SOX5: variants seen among roughly 807,000 people sequenced by gnomAD.
SOX5 encodes transcription factor SOX-5.
Under a neutral mutation model 92.0 loss-of-function variants are expected in SOX5, and 9 were observed. The observed-to-expected ratio is 0.10, with a 90% CI of 0.06 to 0.17. The LOEUF is 0.17. Ranked by LOEUF, SOX5 falls within the 10% of genes least tolerant of loss-of-function variation. The pLI, the probability that SOX5 is intolerant of heterozygous loss-of-function variation, is 1.00. For synonymous variants in SOX5, 344 were observed against 336.3 expected, an observed-to-expected ratio of 1.02 and a Z score of -0.25; for missense variants, 642 against 944.5, an observed-to-expected ratio of 0.68 and a Z score of 4.20.
At chr12:23,857,251 T>C (rs1595094926) in intron 2 of SOX5, among the ~76,000 whole-genome samples, 1 of 152,268 alleles carries the variant, frequency 6.6e-6, no homozygotes, top group Non-Finnish European at 1.5e-5. Context: ...TAGCAGGCAA[T>C]GGAGAACTAT....
chr12:24,527,367 A>C (rs1157667884), intron 1 of SOX5, among the ~76,000 whole-genome samples: 1 of 152,214 alleles, frequency 6.6e-6, no homozygotes, highest in Non-Finnish European at 1.5e-5. Context: ...GAAGAGAGAG[A>C]GAGGTGATGA....
At chr12:23,834,553 C>G (rs1047588189) in intron 3 of SOX5, among the ~76,000 whole-genome samples, 5 of 151,880 alleles carry the variant, frequency 3.3e-5, no homozygotes, top group African/African-American at 1.2e-4. Flanking sequence ...TTGTTAAGGT[C>G]TCTCCTTTCC....
chr12:23,662,460 G>T (rs2083193843), intron 7 of SOX5, among the ~76,000 whole-genome samples: 1 of 152,080 alleles, frequency 6.6e-6, no homozygotes, highest in Non-Finnish European at 1.5e-5. Context: ...AATTTTCTCT[G>T]CTGTGTCTGG....
At position 23,725,001 on chromosome 12, in the gene SOX5, T is replaced by G. The variant is rs573878583; in HGVS notation, c.810+9683A>C. Among the ~76,000 whole-genome samples, 17 of 152,288 alleles carry G rather than the reference T, an allele frequency of 1.1e-4. No homozygotes were observed. The East Asian group carries it at 3.1e-3, about 28-fold the overall frequency. ...TTAGACCAGAATGGTGTTGGTCAAT[T>G]TGACAGATGTTGGACAGAAAACCAA... On this transcript the variant is annotated intron_variant, in intron 6 of 14. Coordinates refer to ENST00000451604, the MANE Select transcript of SOX5 (RefSeq NM_006940.6).
chr12:23,642,375 A>G lies in SOX5; in HGVS notation c.932-1478T>C, dbSNP rs1445905355. On this transcript the variant is annotated intron_variant, in intron 7 of 14. Transcript: ENST00000451604. ...TTAAGACAGCGAAGTACATAATGCT[A>G]TGGACTGCACTGTGGTTGTCCCAAA... Among the ~76,000 whole-genome samples, 3 of 152,218 alleles carry G rather than the reference A, an allele frequency of 2.0e-5. No homozygotes were observed. The East Asian group carries it at 5.8e-4, about 29-fold the overall frequency.
intron 9 of SOX5, among the ~76,000 whole-genome samples, chr12:23,590,947 C>T (rs1185783404): frequency 6.6e-6 from 1 of 151,996 alleles, no homozygotes; most frequent in Admixed American, 6.6e-5. Context: ...GAAGATAACT[C>T]ATTTATGACA....
At chr12:23,711,209 C>T (rs1376661049) in intron 6 of SOX5, among the ~76,000 whole-genome samples, 7 of 152,084 alleles carry the variant, frequency 4.6e-5, no homozygotes, top group Non-Finnish European at 1.0e-4. Context: ...TTTAAGAAAG[C>T]TCTGTTACTT....
intron 1 of SOX5, among the ~76,000 whole-genome samples, chr12:23,925,056 T>C (rs1021007270): frequency 1.3e-5 from 2 of 152,080 alleles, no homozygotes; most frequent in African/African-American, 4.8e-5. Flanking sequence ...GTATTGTTCA[T>C]GTATCATGCC....
chr12:24,211,467 T>A (rs979883909), intron 4 of SOX5, among the ~76,000 whole-genome samples: 2 of 152,212 alleles, frequency 1.3e-5, no homozygotes, highest in African/African-American at 4.8e-5. Context: ...AGAAAACTTC[T>A]CCAGGGAAAT....
At chr12:23,553,446 A>G (rs1944579334) in intron 11 of SOX5, among the ~76,000 whole-genome samples, 1 of 152,058 alleles carries the variant, frequency 6.6e-6, no homozygotes, top group African/African-American at 2.4e-5. Flanking sequence ...ATTCACCAAG[A>G]ACTTTACACA....
chr12:23,825,377 C>T (rs1462095500), intron 3 of SOX5, among the ~76,000 whole-genome samples: 1 of 152,182 alleles, frequency 6.6e-6, no homozygotes. Flanking sequence ...CCCTACCCTG[C>T]TTCTGCTCAC....
chr12:23,962,938 T>G (rs1947118874), intron 4 of SOX5, among the ~76,000 whole-genome samples: 1 of 152,052 alleles, frequency 6.6e-6, no homozygotes, highest in Non-Finnish European at 1.5e-5. Flanking sequence ...CTCAATTCAC[T>G]AAAAGAAAAT....
chr12:23,888,267 C>A (rs1165055667), intron 2 of SOX5, among the ~76,000 whole-genome samples: 1 of 152,152 alleles, frequency 6.6e-6, no homozygotes, highest in Admixed American at 6.5e-5. Context: ...TAGACCAAAT[C>A]TTTTCAGGCT....
At chr12:23,680,556 A>G (rs565592201) in intron 6 of SOX5, among the ~76,000 whole-genome samples, 1 of 151,952 alleles carries the variant, frequency 6.6e-6, no homozygotes, top group South Asian at 2.1e-4. Flanking sequence ...AAATTTTAGG[A>G]GAAAAAAAAT....
intron 8 of SOX5, among the ~76,000 whole-genome samples, chr12:23,612,391 T>C (rs896432311): frequency 5.9e-5 from 9 of 152,094 alleles, no homozygotes; most frequent in Non-Finnish European, 1.3e-4. Flanking sequence ...AAGGAAAAAG[T>C]TGTAATCCTT....
chr12:23,881,865 T>C (rs763913353), intron 2 of SOX5, among the ~76,000 whole-genome samples: 1 of 151,002 alleles, frequency 6.6e-6, no homozygotes, highest in Non-Finnish European at 1.5e-5. Context: ...AAACACCATA[T>C]GAAAAAGGGG....
intron 3 of SOX5, among the ~76,000 whole-genome samples, chr12:23,770,538 C>A (rs1046283618): frequency 1.5e-5 from 2 of 132,232 alleles, no homozygotes; most frequent in East Asian, 2.7e-4. Context: ...GAAAAAAATT[C>A]TTTTTTCAGA....
intron 4 of SOX5, among the ~76,000 whole-genome samples, chr12:24,059,622 T>A (rs1282114622): frequency 6.6e-6 from 1 of 151,998 alleles, no homozygotes; most frequent in Non-Finnish European, 1.5e-5. Flanking sequence ...TGTTGCCCCC[T>A]CCCATAGGAA....
At chr12:23,593,667 CAT>C (rs1391460497) in intron 9 of SOX5, among the ~76,000 whole-genome samples, 9 of 151,950 alleles carry the variant, frequency 5.9e-5, no homozygotes, top group African/African-American at 1.5e-4. Flanking sequence ...TAAGAAAGTA[CAT>C]GTTTAAATAA....
Sources: gnomAD v4.1 joint callset for allele counts (sites outside exome capture counted in the v4.1 genomes callset) on GRCh38, gnomAD v4.1.1 for gene constraint, MANE v1.5 for transcripts, NCBI Gene and HGNC (gene_info 2026-07-23, HGNC 2026-07-21) for gene names.